The following SNAP47 variants were observed in gnomAD, a reference collection of about 807,000 sequenced individuals.
SNAP47 encodes synaptosome associated protein 47.
SNAP47 carries 20 observed loss-of-function variants against 31.4 expected under a neutral mutation model. That is an observed-to-expected ratio of 0.64 (90% CI 0.45 to 0.93). SNAP47 has a LOEUF of 0.93. Ranked by LOEUF, SNAP47 falls within the 40% of genes least tolerant of loss-of-function variation. SNAP47 has a pLI of 0.00. For synonymous variants in SNAP47, 194 were observed against 213.4 expected, an observed-to-expected ratio of 0.91 and a Z score of 0.79; for missense variants, 492 against 528.5, an observed-to-expected ratio of 0.93 and a Z score of 0.68.
intron 1 of SNAP47, among the ~76,000 whole-genome samples, chr1:227,738,329 C>T (rs762423577): frequency 2.0e-5 from 3 of 152,234 alleles, no homozygotes; most frequent in Non-Finnish European, 2.9e-5. Context: ...CGTGAGCCAC[C>T]GCACACCCAG....
At chr1:227,751,240 C>T (rs1662329407) in intron 2 of SNAP47, among the ~76,000 whole-genome samples, 1 of 152,224 alleles carries the variant, frequency 6.6e-6, no homozygotes. Context: ...TCGGCCTGCA[C>T]CGCCACGTCT....
chr1:227,735,142 A>G (rs1424784975), upstream of SNAP47: 10 of 1,581,968 alleles, frequency 6.3e-6, no homozygotes, highest in East Asian at 4.6e-5. Context: ...AGCCCCGCAC[A>G]AAGTCGGCGT....
chr1:227,733,618 C>A, upstream of SNAP47: 1 of 1,604,154 alleles, frequency 6.2e-7, no homozygotes, highest in Non-Finnish European at 8.5e-7. Context: ...GGAGCCACTT[C>A]TTCCTCCCAC....
At chr1:227,767,176 G>A (rs547142753) in intron 4 of SNAP47, 93 bp downstream of exon 4, 1 of 1,541,094 alleles carries the variant, frequency 6.5e-7, no homozygotes, top group East Asian at 2.4e-5. Flanking sequence ...ACAAGCTCTG[G>A]GTCATCCATC....
At chr1:227,735,550 C>T (rs974006342) in intron 1 of SNAP47, 51 bp downstream of exon 1, 4 of 1,355,280 alleles carry the variant, frequency 3.0e-6, no homozygotes, top group Non-Finnish European at 3.8e-6. Context: ...CAAGCCGTAG[C>T]GTCCGCCCTC....
At chr1:227,733,457 A>T (rs1399041887), upstream of SNAP47, 1 of 1,589,238 alleles carries the variant, frequency 6.3e-7, no homozygotes, top group Non-Finnish European at 8.6e-7. Context: ...CACAAACACC[A>T]TCTCGCCCGC....
intron 1 of SNAP47, among the ~76,000 whole-genome samples, chr1:227,739,524 A>G (rs1211555004): frequency 2.0e-5 from 3 of 152,088 alleles, no homozygotes; most frequent in African/African-American, 4.8e-5. Context: ...GCCGCACCCT[A>G]CCGCCCCTGT....
chr1:227,734,802 G>A (rs936044527), upstream of SNAP47: 1 of 1,613,900 alleles, frequency 6.2e-7, no homozygotes, highest in Non-Finnish European at 8.5e-7. Context: ...TTTGCAACTG[G>A]TACAACCACG....
At chr1:227,750,287 C>T (rs999748005) in intron 2 of SNAP47, among the ~76,000 whole-genome samples, 2 of 152,170 alleles carry the variant, frequency 1.3e-5, no homozygotes, top group African/African-American at 4.8e-5. Flanking sequence ...AGTTGCAGGC[C>T]GAAGGCCATG....
At chr1:227,769,415 G>T (rs1387255600) in intron 4 of SNAP47, among the ~76,000 whole-genome samples, 1 of 152,024 alleles carries the variant, frequency 6.6e-6, no homozygotes, top group Non-Finnish European at 1.5e-5. Flanking sequence ...TCTTTTTGAG[G>T]CAATACATGT....
At chr1:227,776,671 C>T in intron 4 of SNAP47, 1 of 985,488 alleles carries the variant, frequency 1.0e-6, no homozygotes, top group Non-Finnish European at 1.2e-6. Flanking sequence ...ACTTCAGTCC[C>T]TTCTCAAAGG....
At chr1:227,757,468 C>CA (rs767005694) in intron 2 of SNAP47, among the ~76,000 whole-genome samples, 3 of 152,224 alleles carry the variant, frequency 2.0e-5, no homozygotes, top group Non-Finnish European at 4.4e-5. Flanking sequence ...ATCAAAATCC[C>CA]AAACGCCAGT....
upstream of SNAP47, chr1:227,733,855 C>T (rs1660852410): frequency 1.2e-6 from 2 of 1,607,944 alleles, no homozygotes; most frequent in Non-Finnish European, 1.7e-6. Context: ...GCCTCCCAGT[C>T]CGTTCTGTCA....
Position 227,748,226 on chromosome 1 carries a change from G to T in SNAP47, c.490G>T (p.Ala164Ser). The change falls in exon 2 of 5, where the codon GCG becomes TCG. Residue 164 changes from alanine to serine, a missense_variant. Coordinates refer to ENST00000617596, the MANE Select transcript of SNAP47 (RefSeq NM_053052.4). Reference protein sequence around the residue: ...LDKMESDLEVADRLLTELESP... With the variant: ...LDKMESDLEVSDRLLTELESP... ...CAAGATGGAGTCAGACCTGGAGGTG[G>T]CGGACAGGTGGGCTTGCTGTGTACA... 2 of 1,579,546 alleles carry T rather than the reference G, an allele frequency of 1.3e-6. No individual in the cohort carries two copies. Among genetic ancestry groups the T allele is most frequent in the Non-Finnish European group, 1.7e-6 (2 of 1,163,018 alleles).
intron 4 of SNAP47, among the ~76,000 whole-genome samples, chr1:227,769,330 TG>T (rs556669995): frequency 5.6e-4 from 85 of 152,202 alleles, no homozygotes; most frequent in African/African-American, 1.9e-3. Context: ...TGGTGTGCCT[TG>T]GGGGCAAGGG....
chr1:227,729,073 G>T (rs1356007300), intron 1 of SNAP47, among the ~76,000 whole-genome samples: 1 of 152,248 alleles, frequency 6.6e-6, no homozygotes, highest in Admixed American at 6.5e-5. Flanking sequence ...GTGTGCGTCT[G>T]CAGGATTCTG....
intron 2 of SNAP47, 91 bp downstream of exon 2, chr1:227,748,324 A>G (rs1486998244): frequency 1.6e-5 from 22 of 1,335,594 alleles, no homozygotes; most frequent in Middle Eastern, 5.4e-4. Flanking sequence ...CCACTGCACC[A>G]TATTTGCACA....
intron 4 of SNAP47, among the ~76,000 whole-genome samples, chr1:227,774,548 C>T (rs564131514): frequency 7.6e-4 from 116 of 152,180 alleles, no homozygotes; most frequent in African/African-American, 2.6e-3. Context: ...AGCAGTGTCC[C>T]GCCTCGAGGT....
chr1:227,759,598 C>A, intron 3 of SNAP47, 113 bp downstream of exon 3: 1 of 1,397,206 alleles, frequency 7.2e-7, no homozygotes, highest in Non-Finnish European at 9.7e-7. Flanking sequence ...AGCTGCTGGC[C>A]TCCAGCTTGC....
Sources: gnomAD v4.1 joint callset for allele counts (sites outside exome capture counted in the v4.1 genomes callset) on GRCh38, gnomAD v4.1.1 for gene constraint, MANE v1.5 for transcripts, NCBI Gene and HGNC (gene_info 2026-07-23, HGNC 2026-07-21) for gene names.